RYR2: variants seen among roughly 807,000 people sequenced by gnomAD.
RYR2 encodes cardiac muscle ryanodine receptor-calcium release channel.
A neutral mutation model predicts 601.1 loss-of-function variants in RYR2; 227 were observed. That is an observed-to-expected ratio of 0.38 (90% CI 0.34 to 0.42). RYR2 has a LOEUF of 0.42. Ranked by LOEUF, RYR2 falls within the 10% of genes least tolerant of loss-of-function variation. RYR2 has a pLI of 1.00. For missense variants in RYR2, 4,646 were observed against 6,156.5 expected (o/e 0.75, Z 8.21); for synonymous variants, 2,223 against 2,175.1 (o/e 1.02, Z -0.61).
At chr1:237,327,709 A>G (rs1696301440) in intron 2 of RYR2, among the ~76,000 whole-genome samples, 1 of 152,224 alleles carries the variant, frequency 6.6e-6, no homozygotes, top group Non-Finnish European at 1.5e-5. Context: ...ACAATATGCA[A>G]AACTAATGAT....
chr1:237,441,994 C>T (rs947143171), intron 13 of RYR2, among the ~76,000 whole-genome samples: 2 of 152,214 alleles, frequency 1.3e-5, no homozygotes, highest in Non-Finnish European at 1.5e-5. Flanking sequence ...TATGTATATT[C>T]AGCATCTAGC....
chr1:237,543,130 A>T (rs978879337), intron 25 of RYR2, among the ~76,000 whole-genome samples: 3 of 152,222 alleles, frequency 2.0e-5, no homozygotes, highest in African/African-American at 7.2e-5. Context: ...ATATTCAAAG[A>T]CATTTTAAAA....
chr1:237,503,505 G>C lies in RYR2; in HGVS notation c.2613G>C (p.Gln871His). The change falls in exon 22 of 105, where the codon CAG becomes CAC. Residue 871 changes from glutamine (Q) to histidine (H), a missense_variant and splice_region_variant. This residue lies in a region of RYR2 where 1,807 missense variants were observed against 2,088.1 expected (regional missense o/e 0.87). Coordinates refer to ENST00000366574, the MANE Select transcript of RYR2 (RefSeq NM_001035.3). The stretch of plus-strand genomic sequence containing the variant: ...CACCCATCCCTGTGGATACCAGCCA[G>C]GTACCAAGATCCACTCGAATGGCAA... Reference protein sequence around the residue: ...AFTPIPVDTSQIVLPPHLERI... With the variant: ...AFTPIPVDTSHIVLPPHLERI... 1 of 1,613,114 alleles carries C rather than the reference G, an allele frequency of 6.2e-7. No homozygotes were observed. The highest frequency in any genetic ancestry group is 8.5e-7 in the Non-Finnish European group (1 of 1,179,248).
chr1:237,519,876 G>T (rs1358081578), intron 24 of RYR2, among the ~76,000 whole-genome samples: 1 of 152,088 alleles, frequency 6.6e-6, no homozygotes, highest in Non-Finnish European at 1.5e-5. Flanking sequence ...GGGCAATATT[G>T]TCATTTTAAC....
rs763642109 is a variant in RYR2 at position 237,293,449 on chromosome 1, C to T, written c.168+22833C>T. 3.3e-5 allele frequency among the ~76,000 whole-genome samples: 5 copies of T among 152,102 alleles called. No homozygotes were observed. In the East Asian group the frequency reaches 7.7e-4, roughly 24 times the overall value. The stretch of plus-strand genomic sequence containing the variant: ...CTCGAACTCCTGGCCTCAAGTGATC[C>T]GCCCACCTTGGCCTTCCAAAGTTCT... On this transcript the variant is annotated intron_variant, in intron 2 of 104. Coordinates refer to ENST00000366574, the MANE Select transcript of RYR2 (RefSeq NM_001035.3).
At chr1:237,124,022 G>A (rs554506971) in intron 1 of RYR2, among the ~76,000 whole-genome samples, 1 of 152,236 alleles carries the variant, frequency 6.6e-6, no homozygotes, top group Admixed American at 6.5e-5. Context: ...ACTGTTTTAT[G>A]TTATCATCTC....
At chr1:237,569,501 G>A (rs1476571413) in intron 29 of RYR2, among the ~76,000 whole-genome samples, 182 bp downstream of exon 29, 19 of 151,916 alleles carry the variant, frequency 1.3e-4, no homozygotes, top group Non-Finnish European at 2.6e-4. Context: ...TATTAGAAAT[G>A]CTATCTATAC....
At chr1:237,820,580 A>C (rs1203305046) in intron 101 of RYR2, among the ~76,000 whole-genome samples, 1 of 152,168 alleles carries the variant, frequency 6.6e-6, no homozygotes, top group Non-Finnish European at 1.5e-5. Flanking sequence ...CTGGGTTTCA[A>C]GCACAAAACT....
At chr1:237,572,917 A>G (rs1320392338) in intron 29 of RYR2, among the ~76,000 whole-genome samples, 1 of 152,146 alleles carries the variant, frequency 6.6e-6, no homozygotes, top group East Asian at 1.9e-4. Context: ...TTTACCTGTC[A>G]CTACTGGGAG....
intron 27 of RYR2, among the ~76,000 whole-genome samples, chr1:237,561,110 A>G (rs1339732304): frequency 8.2e-6 from 1 of 122,566 alleles, no homozygotes; most frequent in Non-Finnish European, 1.8e-5. Context: ...GTGAGTGTAT[A>G]AGAAAATGAG....
chr1:237,821,853 C>T (rs1662541406), intron 101 of RYR2, among the ~76,000 whole-genome samples: 2 of 151,550 alleles, frequency 1.3e-5, no homozygotes, highest in South Asian at 4.2e-4. Flanking sequence ...AGCTGAAAAA[C>T]ACAGCACAAG....
At chr1:237,381,279 A>G (rs776379187) in intron 8 of RYR2, among the ~76,000 whole-genome samples, 7 of 149,734 alleles carry the variant, frequency 4.7e-5, no homozygotes, top group Non-Finnish European at 8.9e-5. Context: ...AAAAAAAAGA[A>G]TGCTTAAAGA....
chr1:237,816,236 G>T (rs920642134), intron 100 of RYR2, among the ~76,000 whole-genome samples: 1 of 152,150 alleles, frequency 6.6e-6, no homozygotes, highest in Non-Finnish European at 1.5e-5. Context: ...AGAAATCCCC[G>T]GAGGAGAGTT....
At chr1:237,146,537 G>C (rs886216286) in intron 1 of RYR2, among the ~76,000 whole-genome samples, 1 of 152,136 alleles carries the variant, frequency 6.6e-6, no homozygotes, top group Non-Finnish European at 1.5e-5. Context: ...TGCAGGATGC[G>C]CTCCTTCTTA....
At chr1:237,149,655 A>G (rs1674482571) in intron 1 of RYR2, among the ~76,000 whole-genome samples, 1 of 152,058 alleles carries the variant, frequency 6.6e-6, no homozygotes, top group Non-Finnish European at 1.5e-5. Context: ...CCTCCCACAC[A>G]CCTGTTATAC....
At chr1:237,392,145 T>C (rs1183181566) in intron 10 of RYR2, among the ~76,000 whole-genome samples, 2 of 152,140 alleles carry the variant, frequency 1.3e-5, no homozygotes, top group South Asian at 4.1e-4. Context: ...ATTAAACTCT[T>C]CAATTAGTGA....
intron 77 of RYR2, 125 bp downstream of exon 77, chr1:237,730,481 C>T (rs2149160579): frequency 4.0e-6 from 2 of 505,936 alleles, no homozygotes; most frequent in East Asian, 6.0e-5. Flanking sequence ...TATTAGGAAA[C>T]TTTTAAATCT....
chr1:237,628,150 AC>A, intron 41 of RYR2, 70 bp downstream of exon 41: 1 of 1,453,260 alleles, frequency 6.9e-7, no homozygotes, highest in Non-Finnish European at 9.4e-7. Flanking sequence ...ATAGAGCAGT[AC>A]ATTAACTACA....
chr1:237,154,187 A>G (rs1675048801), intron 1 of RYR2, among the ~76,000 whole-genome samples: 1 of 152,206 alleles, frequency 6.6e-6, no homozygotes. Context: ...TTTTATGCAA[A>G]TAAGATTCTG....
Sources: gnomAD v4.1 joint callset for allele counts (sites outside exome capture counted in the v4.1 genomes callset) on GRCh38, gnomAD v4.1.1 for gene constraint, gnomAD v4.1.1 regional missense constraint, MANE v1.5 for transcripts, NCBI Gene and HGNC (gene_info 2026-07-23, HGNC 2026-07-21) for gene names.